The following FRYL variants were observed in gnomAD, a reference collection of about 807,000 sequenced individuals.
FRYL encodes the protein protein furry homolog-like.
FRYL carries 150 observed loss-of-function variants against 351.2 expected under a neutral mutation model. The ratio of observed to expected loss-of-function variants is 0.43; its 90% CI spans 0.37 to 0.49. The LOEUF (loss-of-function observed/expected upper bound fraction) is 0.49. FRYL is among the 20% of genes least tolerant of loss of function. FRYL has a pLI of 0.00. For missense variants in FRYL, 3,036 were observed against 3,619.3 expected (o/e 0.84, Z 4.13); for synonymous variants, 1,153 against 1,257.1 (o/e 0.92, Z 1.75).
intron 60 of FRYL, among the ~76,000 whole-genome samples, 185 bp from the exon 61 acceptor site, chr4:48,503,030 C>T (rs1004344240): frequency 3.3e-5 from 5 of 152,000 alleles, no homozygotes; most frequent in East Asian, 1.9e-4. Flanking sequence ...TTTACTGCAA[C>T]GATTCAGGGT....
chr4:48,651,249 TG>T (rs1757596981), intron 3 of FRYL, among the ~76,000 whole-genome samples: 1 of 143,042 alleles, frequency 7.0e-6, no homozygotes, highest in East Asian at 2.1e-4. Flanking sequence ...TGTGTGTGTG[TG>T]TGTGTGTGTA....
intron 3 of FRYL, among the ~76,000 whole-genome samples, chr4:48,678,242 T>C (rs1308111368): frequency 6.6e-6 from 1 of 151,948 alleles, no homozygotes; most frequent in Non-Finnish European, 1.5e-5. Context: ...TTTCAAACGA[T>C]GAAGCACAAA....
Position 48,501,692 on chromosome 4 carries a change from T to C in FRYL, c.8523A>G (p.Gln2841=), listed in dbSNP as rs749295767. The C allele has an allele frequency of 6.2e-7, 1 of 1,610,420 alleles. No homozygotes were observed. The stretch of plus-strand genomic sequence containing the variant: ...AGTAGGCCTGGAACAGAAGCAGCAA[T>C]TGAAAATGCAATTTGTATAATCTTC... The part of the protein sequence containing the change: ...LCRRLYKLHF[Q]LLLLFQAYCK... The change falls in exon 62 of 64, where the codon CAA becomes CAG. Residue 2841 remains glutamine (Q), a synonymous_variant. Transcript: ENST00000358350.
At chr4:48,599,911 C>T (rs1745357732) in intron 13 of FRYL, among the ~76,000 whole-genome samples, 1 of 151,958 alleles carries the variant, frequency 6.6e-6, no homozygotes, top group African/African-American at 2.4e-5. Flanking sequence ...AGTTTGAGAC[C>T]AGCCTGGCCA....
At chr4:48,610,721 ATATAT>A (rs200594230) in intron 7 of FRYL, among the ~76,000 whole-genome samples, 6,177 of 145,950 alleles carry the variant, frequency 0.042, 266 homozygotes, top group East Asian at 0.23. Context: ...TATTATATAC[ATATAT>A]TATATACATG....
At chr4:48,657,164 A>T (rs1341662708) in intron 3 of FRYL, among the ~76,000 whole-genome samples, 2 of 151,946 alleles carry the variant, frequency 1.3e-5, no homozygotes, top group Non-Finnish European at 2.9e-5. Flanking sequence ...TCCTTTGATT[A>T]CTAATCCTGT....
At chr4:48,765,306 A>G (rs1774836765) in intron 1 of FRYL, among the ~76,000 whole-genome samples, 2 of 152,228 alleles carry the variant, frequency 1.3e-5, no homozygotes. Flanking sequence ...AAAAACAGAT[A>G]GAGACCAATA....
chr4:48,545,510 G>C (rs1731148190), intron 42 of FRYL, among the ~76,000 whole-genome samples: 1 of 152,040 alleles, frequency 6.6e-6, no homozygotes, highest in Non-Finnish European at 1.5e-5. Context: ...CCTCCTCCCA[G>C]CTTAATGATT....
chr4:48,753,596 A>G (rs1357416012), intron 1 of FRYL, among the ~76,000 whole-genome samples: 1 of 152,114 alleles, frequency 6.6e-6, no homozygotes, highest in Non-Finnish European at 1.5e-5. Flanking sequence ...CACTTTCTTG[A>G]TAGTCTCCCT....
Position 48,561,481 on chromosome 4 carries a change from G to C in FRYL, c.3852C>G (p.Leu1284=). ...CATTGATCATACCTGAGAATATGGC[G>C]AGAGTTAGCTCAGGATACGCCCTTG... ...ELARAYPELT[L]AIFSEISQRI... The change falls in exon 33 of 64, where the codon CTC becomes CTG. Residue 1284 remains leucine (L), a synonymous_variant. Coordinates refer to ENST00000358350, the MANE Select transcript of FRYL (RefSeq NM_015030.2). The C allele has an allele frequency of 6.3e-7, 1 of 1,591,736 alleles. No homozygotes were observed. The highest frequency in any genetic ancestry group is 8.6e-7 in the Non-Finnish European group (1 of 1,167,328).
intron 47 of FRYL, among the ~76,000 whole-genome samples, chr4:48,539,699 CAGAG>C (rs1243239363): frequency 5.9e-5 from 9 of 152,056 alleles, no homozygotes; most frequent in Non-Finnish European, 1.0e-4. Context: ...GAGAAACAGA[CAGAG>C]AGGCAGAAGT....
At chr4:48,620,907 A>G in intron 5 of FRYL, 129 bp from the exon 6 acceptor site, 1 of 820,234 alleles carries the variant, frequency 1.2e-6, no homozygotes, top group Non-Finnish European at 1.8e-6. Flanking sequence ...CTTTAAAATT[A>G]AAGCAAGGGT....
In FRYL at chr4:48,656,728, CTA is replaced by C. The variant is rs146914218; in HGVS notation, c.-80-22240_-80-22239del. 1.7e-4 allele frequency among the ~76,000 whole-genome samples: 25 copies of C among 144,946 alleles called. 1 individual carries two copies. Among genetic ancestry groups the C allele is most frequent in the African/African-American group, 4.1e-4 (16 of 39,204 alleles). ...ATATAAAATGTATATATATGACTGA[CTA>C]TATATATATATATTTATTTATCGCC... is the stretch of plus-strand genomic sequence containing the variant. On this transcript the variant is annotated intron_variant, in intron 3 of 63. Coordinates refer to ENST00000358350, the MANE Select transcript of FRYL (RefSeq NM_015030.2).
intron 1 of FRYL, among the ~76,000 whole-genome samples, chr4:48,773,653 C>T (rs1315257514): frequency 3.3e-5 from 5 of 152,122 alleles, no homozygotes; most frequent in African/African-American, 7.2e-5. Flanking sequence ...AACCTTTCTA[C>T]GGTGGCTCAC....
chr4:48,531,101 A>G, intron 50 of FRYL, 55 bp downstream of exon 50: 1 of 1,132,252 alleles, frequency 8.8e-7, no homozygotes, highest in South Asian at 1.4e-5. Flanking sequence ...GAATGAATAA[A>G]TAAACAAATG....
At chr4:48,772,679 C>CAAAAAAAAAAAAAAAAAAAA (rs33926702) in intron 1 of FRYL, among the ~76,000 whole-genome samples, 16 of 50,292 alleles carry the variant, frequency 3.2e-4, no homozygotes, top group East Asian at 7.7e-4. Context: ...AGAGACCTAC[C>CAAAAAAAAAAAAAAAAAAAA]AAAAAAAAAA....
rs1578792354 is a variant in FRYL at position 48,710,630 on chromosome 4, T to C, written c.-315A>G. 3 of 398,362 alleles carry C rather than the reference T, an allele frequency of 7.5e-6. No homozygotes were observed. Among genetic ancestry groups the C allele is most frequent in the South Asian group, 2.5e-4 (2 of 7,856 alleles). The allele number at this position is 398,362 out of a possible 1,614,324, so 24.7% of individuals were successfully genotyped here. A position where few individuals can be genotyped will look rare whatever the true frequency, so the allele number is the denominator to read the frequency against. On this transcript the variant is annotated 5_prime_UTR_variant, in exon 2 of 64. Coordinates refer to ENST00000358350, the MANE Select transcript of FRYL (RefSeq NM_015030.2). ...AGCTTGTACTTTACAGGCACTCGAG[T>C]GGGCACACTGGTACAAAGCAGTAGT...
chr4:48,717,292 AC>A lies in FRYL; in HGVS notation c.-383-6595del, dbSNP rs201418105. Among the ~76,000 whole-genome samples, 1,120 of 151,560 alleles carry A rather than the reference AC, an allele frequency of 7.4e-3. 25 individuals carry two copies. Among genetic ancestry groups the A allele is most frequent in the African/African-American group, 0.026 (1,058 of 41,402 alleles). ...TATAATAATAAAAAAAAACAAAAAA[AC>A]ATTATGCTAACTGAAAGAAGCCACT... On this transcript the variant is annotated intron_variant, in intron 1 of 63. Transcript: ENST00000358350.
intron 13 of FRYL, among the ~76,000 whole-genome samples, chr4:48,596,802 A>G (rs1343925881): frequency 6.6e-6 from 1 of 152,136 alleles, no homozygotes; most frequent in Non-Finnish European, 1.5e-5. Context: ...TAGCTGTTAT[A>G]AAAAATAAAG....
Sources: allele counts gnomAD v4.1 joint callset (sites outside exome capture counted in the v4.1 genomes callset), GRCh38; gene constraint gnomAD v4.1.1; transcripts MANE v1.5; gene names NCBI Gene and HGNC (gene_info 2026-07-23, HGNC 2026-07-21).